GRXCR1: variants seen among roughly 807,000 people sequenced by gnomAD.
The protein encoded by GRXCR1 is glutaredoxin and cysteine rich domain containing 1, also known as glutaredoxin domain-containing cysteine-rich protein 1.
GRXCR1 carries 27 observed loss-of-function variants against 27.3 expected under a neutral mutation model. The ratio of observed to expected loss-of-function variants is 0.99; its 90% CI spans 0.73 to 1.37. The LOEUF (loss-of-function observed/expected upper bound fraction) is 1.37, where lower values mean the gene tolerates loss of function less well. Among genes scored for constraint, GRXCR1 ranks in the 40% most tolerant of loss-of-function variants. GRXCR1 has a pLI of 0.00. For synonymous variants in GRXCR1, 122 were observed against 131.1 expected (o/e 0.93, Z 0.47); for missense variants, 379 against 354.4 (o/e 1.07, Z -0.56).
At chr4:42,986,854 TC>T (rs1334498510) in intron 2 of GRXCR1, among the ~76,000 whole-genome samples, 3 of 152,026 alleles carry the variant, frequency 2.0e-5, no homozygotes, top group Non-Finnish European at 4.4e-5. Context: ...CTCCAGGCTA[TC>T]TTAAAATTAG....
chr4:43,000,227 C>T (rs1038273818), intron 2 of GRXCR1, among the ~76,000 whole-genome samples: 7 of 152,078 alleles, frequency 4.6e-5, no homozygotes, highest in Admixed American at 4.6e-4. Flanking sequence ...CACCTGTAAT[C>T]CCAGCACTTT....
At position 43,020,428 on chromosome 4, in the gene GRXCR1, G is replaced by A; in HGVS notation, c.693+9G>A. On this transcript the variant is annotated intron_variant, in intron 3 of 3. Coordinates refer to ENST00000399770, the MANE Select transcript of GRXCR1 (RefSeq NM_001080476.3). The stretch of plus-strand genomic sequence containing the variant: ...TCCTAACCAAAATTGAGGTAAATGT[G>A]CTTTCAGCAACTTAGTTTTAGTAAT... 2 of 1,571,002 alleles carry A rather than the reference G, an allele frequency of 1.3e-6. No individual in the cohort carries two copies. Among genetic ancestry groups the A allele is most frequent in the Admixed American group, 3.3e-5 (2 of 59,920 alleles).
At chr4:42,995,788 G>A (rs1712136429) in intron 2 of GRXCR1, among the ~76,000 whole-genome samples, 1 of 152,182 alleles carries the variant, frequency 6.6e-6, no homozygotes, top group Admixed American at 6.5e-5. Flanking sequence ...TGTCACAAAA[G>A]TGTGGATGAT....
intron 1 of GRXCR1, among the ~76,000 whole-genome samples, chr4:42,934,266 G>A (rs1222984326): frequency 6.7e-6 from 1 of 149,110 alleles, no homozygotes; most frequent in Non-Finnish European, 1.5e-5. Context: ...ATGTATATAT[G>A]TATCCACACA....
intron 1 of GRXCR1, among the ~76,000 whole-genome samples, chr4:42,922,595 T>G (rs1450922): frequency 0.69 from 105,489 of 151,900 alleles, 37,034 homozygotes; most frequent in Non-Finnish European, 0.72. Flanking sequence ...ATGTCCCCCA[T>G]TAGGGCAAGA....
intron 1 of GRXCR1, among the ~76,000 whole-genome samples, chr4:42,902,429 C>A (rs773754740): frequency 6.6e-6 from 1 of 152,182 alleles, no homozygotes; most frequent in African/African-American, 2.4e-5. Context: ...TGGCTTCCAA[C>A]TCCATCCATG....
chr4:42,995,170 G>T (rs1371440303), intron 2 of GRXCR1, among the ~76,000 whole-genome samples: 1 of 152,038 alleles, frequency 6.6e-6, no homozygotes, highest in Non-Finnish European at 1.5e-5. Flanking sequence ...TTTCCCTCTA[G>T]TTGGAAATTA....
chr4:43,021,451 T>G (rs1713088905), intron 3 of GRXCR1, among the ~76,000 whole-genome samples: 1 of 152,198 alleles, frequency 6.6e-6, no homozygotes, highest in East Asian at 1.9e-4. Flanking sequence ...CCAAATGAAC[T>G]AGATGCTCCT....
At chr4:43,018,775 T>A (rs368110620) in intron 2 of GRXCR1, among the ~76,000 whole-genome samples, 6 of 152,168 alleles carry the variant, frequency 3.9e-5, no homozygotes, top group South Asian at 4.1e-4. Context: ...TTAAAAGAAA[T>A]AGAATATAGC....
chr4:43,014,052 T>C (rs529948960), intron 2 of GRXCR1, among the ~76,000 whole-genome samples: 2 of 104,828 alleles, frequency 1.9e-5, no homozygotes, highest in African/African-American at 8.7e-5. Flanking sequence ...ATTACATAAT[T>C]GCAAAAAAAA....
At chr4:42,987,269 TATATATATAGAG>T (rs1217648619) in intron 2 of GRXCR1, among the ~76,000 whole-genome samples, 3 of 80,116 alleles carry the variant, frequency 3.7e-5, no homozygotes, top group African/African-American at 1.3e-4. Flanking sequence ...ATAATATATA[TATATATATAGAG>T]AGAGAGAGAG....
chr4:42,917,981 T>C (rs1292314885), intron 1 of GRXCR1, among the ~76,000 whole-genome samples: 1 of 152,152 alleles, frequency 6.6e-6, no homozygotes, highest in Non-Finnish European at 1.5e-5. Flanking sequence ...CAGTTTCATA[T>C]GAAACTGATT....
chr4:42,915,311 G>A lies in GRXCR1; in HGVS notation c.384+21661G>A, dbSNP rs149525104. 1.6e-3 allele frequency among the ~76,000 whole-genome samples: 248 copies of A among 152,246 alleles called. 2 individuals are homozygous for A. The highest frequency in any genetic ancestry group is 5.7e-3 in the African/African-American group (238 of 41,568). On this transcript the variant is annotated intron_variant, in intron 1 of 3. Transcript: ENST00000399770. ...GAAAATCTGAAGTGGTATGTGAGAG[G>A]CATGTGACACAAAGTCTTCTTCAGA...
At chr4:42,987,997 C>T (rs1382156007) in intron 2 of GRXCR1, among the ~76,000 whole-genome samples, 3 of 152,150 alleles carry the variant, frequency 2.0e-5, no homozygotes, top group African/African-American at 4.8e-5. Context: ...TTGCTCTTCT[C>T]ATTGGGGTCC....
At chr4:42,949,070 T>C (rs1342677339) in intron 1 of GRXCR1, among the ~76,000 whole-genome samples, 1 of 152,074 alleles carries the variant, frequency 6.6e-6, no homozygotes, top group African/African-American at 2.4e-5. Flanking sequence ...TTTAAGAAAC[T>C]CTGGGCCAGG....
intron 2 of GRXCR1, among the ~76,000 whole-genome samples, chr4:42,970,800 T>G (rs910087290): frequency 6.6e-6 from 1 of 152,176 alleles, no homozygotes; most frequent in African/African-American, 2.4e-5. Context: ...GTATGCAAAT[T>G]TCTTCAGCCA....
intron 2 of GRXCR1, among the ~76,000 whole-genome samples, chr4:43,005,330 TG>T (rs1417797095): frequency 2.0e-5 from 3 of 152,224 alleles, no homozygotes; most frequent in African/African-American, 7.2e-5. Context: ...TATAGCAGTT[TG>T]GGAACAGACT....
At chr4:42,898,683 A>G (rs1004375265) in intron 1 of GRXCR1, among the ~76,000 whole-genome samples, 1 of 151,974 alleles carries the variant, frequency 6.6e-6, no homozygotes, top group Non-Finnish European at 1.5e-5. Context: ...CCTTACAACA[A>G]CCCTGTGAGG....
At chr4:42,987,865 A>G (rs1316213453) in intron 2 of GRXCR1, among the ~76,000 whole-genome samples, 1 of 152,220 alleles carries the variant, frequency 6.6e-6, no homozygotes, top group African/African-American at 2.4e-5. Context: ...CTAGGCTTCT[A>G]TGACACAGAA....
Sources: allele counts gnomAD v4.1 joint callset (sites outside exome capture counted in the v4.1 genomes callset), GRCh38; gene constraint gnomAD v4.1.1; transcripts MANE v1.5; gene names NCBI Gene and HGNC (gene_info 2026-07-23, HGNC 2026-07-21).